PCNX2: variants seen among roughly 807,000 people sequenced by gnomAD.
PCNX2 encodes the protein pecanex 2, also known as pecanex-like protein 2.
A neutral mutation model predicts 223.8 loss-of-function variants in PCNX2; 168 were observed. That is an observed-to-expected ratio of 0.75 (90% confidence interval 0.66 to 0.85). The LOEUF (loss-of-function observed/expected upper bound fraction) is 0.85, where lower values mean the gene tolerates loss of function less well. Among genes scored for constraint, PCNX2 ranks in the 40% least tolerant of loss-of-function variants. The pLI, the probability that PCNX2 is intolerant of heterozygous loss-of-function variation, is 0.00. For missense variants in PCNX2, 2,507 were observed against 2,675.5 expected, an observed-to-expected ratio of 0.94 and a Z score of 1.39; for synonymous variants, 1,006 against 1,052.6, an observed-to-expected ratio of 0.96 and a Z score of 0.86.
chr1:233,321,161 G>A, the PCNX2 span, among the ~76,000 whole-genome samples: 52 of 151,424 alleles, frequency 3.4e-4, no homozygotes, highest in African/African-American at 1.2e-3. Flanking sequence ...TGGAACTATA[G>A]GTGAAATGTC....
At chr1:233,271,010 TGTTTA>T (rs1489680135) in intron 1 of PCNX2, among the ~76,000 whole-genome samples, 8 of 152,252 alleles carry the variant, frequency 5.3e-5, no homozygotes, top group East Asian at 1.9e-4. Flanking sequence ...AGTAAATGAA[TGTTTA>T]GTTTAGTCAA....
chr1:233,190,016 CTAAT>C (rs1171446645), intron 15 of PCNX2, among the ~76,000 whole-genome samples: 4 of 152,124 alleles, frequency 2.6e-5, no homozygotes, highest in Non-Finnish European at 5.9e-5. Context: ...TTTTCTTTCC[CTAAT>C]TAATATTCCA....
At chr1:233,132,892 CT>C (rs892121349) in intron 21 of PCNX2, among the ~76,000 whole-genome samples, 2,820 of 114,892 alleles carry the variant, frequency 0.025, 22 homozygotes, top group African/African-American at 0.067. Flanking sequence ...CATTTTACAT[CT>C]TTTTTTTTTT....
At chr1:233,299,622 G>T (rs1270508075), upstream of PCNX2, among the ~76,000 whole-genome samples, 1 of 152,212 alleles carries the variant, frequency 6.6e-6, no homozygotes, top group Non-Finnish European at 1.5e-5. Flanking sequence ...AGTCTGGAAA[G>T]AGCTGAAGCC....
chr1:233,267,210 G>A (rs558831529), intron 1 of PCNX2, among the ~76,000 whole-genome samples: 6 of 152,096 alleles, frequency 3.9e-5, no homozygotes, highest in South Asian at 2.1e-4. Flanking sequence ...CCAGCTACTC[G>A]GGAGACTAAG....
At position 233,258,848 on chromosome 1, in the gene PCNX2, CT is replaced by C; in HGVS notation, c.1013del (p.Gln338ArgfsTer17). Reference sequence around the variant, plus strand: ...CTTCCTGGTGCAAGGGCAGGTCCCCCTGGCAGGAGGTATCTACCTGACAGGA... The same window carrying C: ...CTTCCTGGTGCAAGGGCAGGTCCCCCGGCAGGAGGTATCTACCTGACAGGA... The part of the protein sequence containing the change: ...DTSCQVDTSC[Q>X]GDLPLHQEVD... On this transcript the variant is annotated frameshift_variant, in exon 5 of 34. Coordinates refer to ENST00000258229, the MANE Select transcript of PCNX2 (RefSeq NM_014801.4). LOFTEE classifies it high-confidence loss of function. 6.2e-7 allele frequency: 1 copy of C among 1,613,962 alleles called. No homozygotes were observed. Among genetic ancestry groups the C allele is most frequent in the Non-Finnish European group, 8.5e-7 (1 of 1,179,884 alleles).
At chr1:233,182,947 G>T (rs1679886469) in intron 15 of PCNX2, among the ~76,000 whole-genome samples, 1 of 152,038 alleles carries the variant, frequency 6.6e-6, no homozygotes. Context: ...CTGCCCCTCA[G>T]CAGAGAGCAC....
At chr1:233,238,945 T>C (rs1392123561) in intron 8 of PCNX2, among the ~76,000 whole-genome samples, 1 of 152,164 alleles carries the variant, frequency 6.6e-6, no homozygotes, top group East Asian at 1.9e-4. Context: ...TCTCTGTCGT[T>C]AACAGAGAAA....
At chr1:233,256,972 A>G (rs1659768911) in intron 5 of PCNX2, among the ~76,000 whole-genome samples, 1 of 152,328 alleles carries the variant, frequency 6.6e-6, no homozygotes, top group African/African-American at 2.4e-5. Flanking sequence ...CACAACTTTC[A>G]GTCAGCATTC....
intron 20 of PCNX2, among the ~76,000 whole-genome samples, chr1:233,136,934 G>A (rs575815289): frequency 1.3e-5 from 2 of 152,258 alleles, no homozygotes; most frequent in Admixed American, 6.5e-5. Flanking sequence ...CTGTGACCAA[G>A]GTTCCATGAA....
chr1:233,110,443 C>A (rs1571885394), intron 21 of PCNX2, among the ~76,000 whole-genome samples: 2 of 152,098 alleles, frequency 1.3e-5, no homozygotes, highest in Non-Finnish European at 2.9e-5. Flanking sequence ...AAATATCTTT[C>A]AAAAATATAA....
chr1:233,282,592 G>T (rs762461690), intron 1 of PCNX2, among the ~76,000 whole-genome samples: 1 of 151,818 alleles, frequency 6.6e-6, no homozygotes, highest in East Asian at 1.9e-4. Context: ...CCATCCTTAC[G>T]CCTCTACCCT....
At chr1:233,017,823 T>G (rs936459831) in intron 26 of PCNX2, among the ~76,000 whole-genome samples, 3 of 152,174 alleles carry the variant, frequency 2.0e-5, no homozygotes, top group African/African-American at 7.2e-5. Flanking sequence ...GAACATAATT[T>G]GTATGATGAG....
chr1:233,022,607 G>T (rs3820120), intron 26 of PCNX2, among the ~76,000 whole-genome samples: 14,756 of 122,274 alleles, frequency 0.12, 795 homozygotes, highest in East Asian at 0.24. Context: ...TGAGAGATGG[G>T]GGGGGAGTGG....
intron 1 of PCNX2, chr1:233,284,909 G>A (rs769551287): frequency 1.3e-4 from 125 of 942,026 alleles, no homozygotes; most frequent in Admixed American, 4.9e-4. Flanking sequence ...GATCATCCAG[G>A]GTCATGGGGG....
chr1:233,293,918 C>T, intron 1 of PCNX2: 2 of 969,986 alleles, frequency 2.1e-6, no homozygotes, highest in Non-Finnish European at 2.5e-6. Context: ...AAAAGAGAAA[C>T]CACTGGGGCC....
In PCNX2 at chr1:233,259,305, G is replaced by A; in HGVS notation, c.557C>T (p.Ser186Leu). 2 of 1,613,872 alleles carry A rather than the reference G, an allele frequency of 1.2e-6. No homozygotes were observed. The highest frequency in any genetic ancestry group is 1.7e-5 in the Admixed American group (1 of 60,018). ...CACTTTGATACCAGGTGAGGTAGAT[G>A]ACACTGGTGCTATGGGATGGTCTTC... ...LLEDHPIAPV[S>L]STSPGIKVES... Residue 186 changes from serine (S) to leucine (L), a missense_variant, in exon 5 of 34, where the codon TCA (serine) becomes TTA (leucine). Ser to Leu is a moderately radical substitution (Grantham distance 145, BLOSUM62 -2). Transcript: ENST00000258229.
intron 23 of PCNX2, among the ~76,000 whole-genome samples, chr1:233,086,396 G>A (rs1033339394): frequency 1.3e-5 from 2 of 152,116 alleles, no homozygotes; most frequent in Non-Finnish European, 2.9e-5. Flanking sequence ...AGTGGCTCAC[G>A]CCTGTAATCC....
intron 1 of PCNX2, chr1:233,291,723 A>G: frequency 1.0e-6 from 1 of 985,278 alleles, no homozygotes; most frequent in Non-Finnish European, 1.2e-6. Context: ...GCTGTAAAGA[A>G]CACTCTGCTC....
Sources: allele counts gnomAD v4.1 joint callset (sites outside exome capture counted in the v4.1 genomes callset), GRCh38; gene constraint gnomAD v4.1.1; transcripts MANE v1.5; gene names NCBI Gene and HGNC (gene_info 2026-07-23, HGNC 2026-07-21).